Variants in ABCG2 observed in about 807,000 individuals in gnomAD.
ABCG2 encodes broad substrate specificity ATP-binding cassette transporter ABCG2.
ABCG2 carries 80 observed loss-of-function variants against 73.5 expected under a neutral mutation model. The ratio of observed to expected loss-of-function variants is 1.09; its 90% CI spans 0.91 to 1.31. The LOEUF is 1.31. Among genes scored for constraint, ABCG2 ranks in the 50% most tolerant of loss-of-function variants. The probability of loss-of-function intolerance (pLI) is 0.00; values close to 1 mark genes in which losing one functional copy is unlikely to be tolerated. For missense variants in ABCG2, 796 were observed against 786.2 expected (o/e 1.01, Z -0.15); for synonymous variants, 269 against 282.4 (o/e 0.95, Z 0.48).
chr4:88,225,081 C>T (rs1264048051), intron 1 of ABCG2, among the ~76,000 whole-genome samples: 1 of 152,144 alleles, frequency 6.6e-6, no homozygotes, highest in Non-Finnish European at 1.5e-5. Flanking sequence ...GTTTTGATTA[C>T]TGTAACTTCA....
chr4:88,210,184 T>TACACACAC (rs36209812), intron 1 of ABCG2, among the ~76,000 whole-genome samples: 37 of 149,592 alleles, frequency 2.5e-4, no homozygotes, highest in Middle Eastern at 3.5e-3. Context: ...TAAGTAATCC[T>TACACACAC]ACACACACAC....
At chr4:88,211,358 G>GCC (rs1264405228) in intron 1 of ABCG2, among the ~76,000 whole-genome samples, 2,165 of 33,284 alleles carry the variant, frequency 0.065, 265 homozygotes, top group Middle Eastern at 0.1. Context: ...TTCAACCCCT[G>GCC]CCCCACCCCC....
chr4:88,208,235 T>C (rs1729454394), intron 1 of ABCG2, among the ~76,000 whole-genome samples: 1 of 152,220 alleles, frequency 6.6e-6, no homozygotes, highest in African/African-American at 2.4e-5. Flanking sequence ...TAATTCAGTA[T>C]ATATAATCAT....
intron 7 of ABCG2, 93 bp downstream of exon 7, chr4:88,118,016 C>A: frequency 7.8e-7 from 1 of 1,283,710 alleles, no homozygotes; most frequent in Non-Finnish European, 1.1e-6. Flanking sequence ...GTATGTCTAC[C>A]CAAAGACCAA....
At chr4:88,178,493 G>A (rs1488756071) in intron 1 of ABCG2, among the ~76,000 whole-genome samples, 2 of 152,200 alleles carry the variant, frequency 1.3e-5, no homozygotes, top group Admixed American at 6.6e-5. Context: ...ATTCCTAGCT[G>A]TGGTGGCTAT....
rs569408103 is a variant in ABCG2 at position 88,096,706 on chromosome 4, T to C, written c.1647+747A>G. ...TTTCATTCACCTGTTGATTCCTCTA[T>C]GTGCAAAATTTAGGGGCATGTAAGA... On this transcript the variant is annotated intron_variant, in intron 13 of 15. Transcript: ENST00000237612. 6.7e-4 allele frequency among the ~76,000 whole-genome samples: 102 copies of C among 151,744 alleles called. No homozygotes were observed. The Middle Eastern group carries it at 0.014, about 20-fold the overall frequency.
Position 88,158,632 on chromosome 4 carries a change from C to A in ABCG2, c.-266G>T, listed in dbSNP as rs1005487399. 4.4e-6 allele frequency: 2 copies of A among 456,184 alleles called. No homozygotes were observed. Among genetic ancestry groups the A allele is most frequent in the South Asian group, 3.1e-5 (2 of 64,572 alleles). The allele number at this position is 456,184 out of a possible 1,614,324, so 28.3% of individuals were successfully genotyped here. A position where few individuals can be genotyped will look rare whatever the true frequency, so the allele number is the denominator to read the frequency against. ...CGTCTCTCAATCTCAGTGGGAGTGG[C>A]GGGCACTGCCTCTTCCCTCCTGCGC... On this transcript the variant is annotated 5_prime_UTR_variant, in exon 1 of 16. Transcript: ENST00000237612.
chr4:88,124,360 C>T (rs966101084), intron 5 of ABCG2, among the ~76,000 whole-genome samples: 1 of 152,162 alleles, frequency 6.6e-6, no homozygotes, highest in Non-Finnish European at 1.5e-5. Flanking sequence ...TTAAAAGACA[C>T]AGACTAGCAA....
chr4:88,185,052 G>A (rs560102935), intron 1 of ABCG2, among the ~76,000 whole-genome samples: 2 of 152,194 alleles, frequency 1.3e-5, no homozygotes, highest in South Asian at 2.1e-4. Context: ...AAATCAAAAT[G>A]GATTAAAAAC....
intron 1 of ABCG2, among the ~76,000 whole-genome samples, chr4:88,205,973 G>A (rs1578277699): frequency 1.3e-5 from 2 of 152,232 alleles, no homozygotes; most frequent in East Asian, 3.9e-4. Context: ...GAGCCACCAC[G>A]CCCAGCCACC....
chr4:88,158,519 A>G lies in ABCG2; in HGVS notation c.-153T>C, dbSNP rs914429470. 1 of 456,336 alleles carries G rather than the reference A, an allele frequency of 2.2e-6. No homozygotes were observed. Among genetic ancestry groups the G allele is most frequent in the African/African-American group, 2.0e-5 (1 of 50,080 alleles). The allele number at this position is 456,336 out of a possible 1,614,324, so 28.3% of individuals were successfully genotyped here. On this transcript the variant is annotated 5_prime_UTR_variant, in exon 1 of 16. Transcript: ENST00000237612. ...GGACCTTCCAAACAAACTCTAAAGC[A>G]GCAGTTTCCACTTAACAAGACCACC...
chr4:88,128,085 C>T (rs995675477), intron 5 of ABCG2, among the ~76,000 whole-genome samples: 4 of 151,312 alleles, frequency 2.6e-5, no homozygotes, highest in Non-Finnish European at 3.0e-5. Context: ...ATGAGAAAAA[C>T]ACAACCCCAT....
intron 1 of ABCG2, among the ~76,000 whole-genome samples, chr4:88,146,661 TG>T (rs562795102): frequency 4.9e-4 from 74 of 152,268 alleles, no homozygotes; most frequent in Non-Finnish European, 8.2e-4. Context: ...CCCAAAGTGC[TG>T]GGATTACAGG....
At position 88,092,372 on chromosome 4, in the gene ABCG2, G is replaced by T. The variant is rs138892154; in HGVS notation, c.1830C>A (p.Gly610=). 5.2e-5 allele frequency: 83 copies of T among 1,604,336 alleles called. No homozygotes were observed. Among genetic ancestry groups the T allele is most frequent in the Non-Finnish European group, 7.0e-5 (83 of 1,177,838 alleles). ...NNPCNYATCT[G]EEYLVKQGID... The stretch of plus-strand genomic sequence containing the variant: ...TGCCCTGCTTTACCAAATATTCTTC[G>T]CCAGTACATCTGAAATTAAACAGAA... Residue 610 remains glycine, a synonymous_variant, in exon 16 of 16, where the codon GGC becomes GGA. Transcript: ENST00000237612.
intron 5 of ABCG2, among the ~76,000 whole-genome samples, chr4:88,127,147 A>G (rs1724478826): frequency 1.3e-5 from 2 of 152,204 alleles, no homozygotes; most frequent in Admixed American, 6.5e-5. Flanking sequence ...ACAAACAGAG[A>G]GCCAAATCAT....
chr4:88,114,859 C>G, intron 8 of ABCG2, 98 bp downstream of exon 8: 1 of 723,654 alleles, frequency 1.4e-6, no homozygotes. Context: ...ACTGCATCAA[C>G]AGAAATTCAC....
chr4:88,131,176 TTTTCTC>T lies in ABCG2; in HGVS notation c.410_415del (p.Arg137_Glu138del). On this transcript the variant is annotated inframe_deletion, in exon 5 of 16. Coordinates refer to ENST00000237612, the MANE Select transcript of ABCG2 (RefSeq NM_004827.3). ...CCGAAGAGCTGCTGAGAACTGTAAG[TTTTCTC>T]TCACCGTCAGAGTGCCCATCACAAC... 6.2e-7 allele frequency: 1 copy of T among 1,614,028 alleles called. No homozygotes were observed. The highest frequency in any genetic ancestry group is 8.5e-7 in the Non-Finnish European group (1 of 1,179,962).
chr4:88,152,091 A>T (rs1227830019), intron 1 of ABCG2, among the ~76,000 whole-genome samples: 1 of 152,212 alleles, frequency 6.6e-6, no homozygotes, highest in Non-Finnish European at 1.5e-5. Context: ...ATGTAGTTTA[A>T]GCTACTCAGC....
intron 1 of ABCG2, among the ~76,000 whole-genome samples, chr4:88,153,245 G>A (rs1432747309): frequency 6.6e-6 from 1 of 151,814 alleles, no homozygotes; most frequent in Admixed American, 6.6e-5. Context: ...TGTATGAGTA[G>A]TTGAGAATGG....
Sources: gnomAD v4.1 joint callset for allele counts (sites outside exome capture counted in the v4.1 genomes callset) on GRCh38, gnomAD v4.1.1 for gene constraint, MANE v1.5 for transcripts, NCBI Gene and HGNC (gene_info 2026-07-23, HGNC 2026-07-21) for gene names.